Variants in TTLL5 observed in about 807,000 individuals in gnomAD.
TTLL5 encodes the protein tubulin polyglutamylase TTLL5.
A neutral mutation model predicts 168.4 loss-of-function variants in TTLL5; 132 were observed. The observed-to-expected ratio is 0.78, with a 90% CI of 0.68 to 0.91. The LOEUF (loss-of-function observed/expected upper bound fraction) is 0.91. TTLL5 is among the 40% of genes least tolerant of loss of function. The pLI is 0.00. For synonymous variants in TTLL5, 546 were observed against 558.6 expected (o/e 0.98, Z 0.32); for missense variants, 1,545 against 1,581.5 (o/e 0.98, Z 0.39).
chr14:75,679,010 A>G (rs898202635), intron 3 of TTLL5, among the ~76,000 whole-genome samples: 3 of 152,222 alleles, frequency 2.0e-5, no homozygotes, highest in African/African-American at 7.2e-5. Flanking sequence ...CTTTCCTTCT[A>G]CATTTATTAG....
chr14:75,719,835 T>C lies in TTLL5; in HGVS notation c.934+9T>C, dbSNP rs1472845431. 6.2e-7 allele frequency: 1 copy of C among 1,613,170 alleles called. No individual in the cohort carries two copies. The highest frequency in any genetic ancestry group is 2.2e-5 in the East Asian group (1 of 44,818). On this transcript the variant is annotated intron_variant, in intron 11 of 31. Transcript: ENST00000298832. ...AGGCAGAGATACAACCGGTGAGTACTGGGCCTTTTTCCTTCTTGACTTCTC... is the reference window on the plus strand; with the variant it reads ...AGGCAGAGATACAACCGGTGAGTACCGGGCCTTTTTCCTTCTTGACTTCTC...
At chr14:75,721,358 A>G (rs941591941) in intron 12 of TTLL5, among the ~76,000 whole-genome samples, 1 of 152,160 alleles carries the variant, frequency 6.6e-6, no homozygotes, top group Non-Finnish European at 1.5e-5. Flanking sequence ...CTATGTGGAA[A>G]TGAATGGGTT....
At chr14:75,925,656 C>T (rs778960253) in intron 31 of TTLL5, among the ~76,000 whole-genome samples, 2 of 152,004 alleles carry the variant, frequency 1.3e-5, no homozygotes, top group African/African-American at 2.4e-5. Context: ...GCTGGGGGCC[C>T]GGCAGAGGCT....
At chr14:75,788,315 G>T (rs1377565639) in intron 26 of TTLL5, among the ~76,000 whole-genome samples, 1 of 151,832 alleles carries the variant, frequency 6.6e-6, no homozygotes, top group Non-Finnish European at 1.5e-5. Flanking sequence ...CACAGTAGAG[G>T]GTGGCAAAGC....
intron 7 of TTLL5, among the ~76,000 whole-genome samples, chr14:75,700,052 C>G (rs976572013): frequency 2.6e-5 from 4 of 152,188 alleles, no homozygotes; most frequent in Non-Finnish European, 5.9e-5. Context: ...ATAATAGAAT[C>G]TCTTCAGTAA....
intron 29 of TTLL5, among the ~76,000 whole-genome samples, chr14:75,878,221 G>C (rs2031602257): frequency 6.6e-6 from 1 of 152,154 alleles, no homozygotes; most frequent in Non-Finnish European, 1.5e-5. Flanking sequence ...ATTCCGTTTG[G>C]CTGCTTATAA....
At position 75,690,305 on chromosome 14, in the gene TTLL5, A is replaced by G; in HGVS notation, c.485A>G (p.Glu162Gly). 1 of 1,607,552 alleles carries G rather than the reference A, an allele frequency of 6.2e-7. No individual in the cohort carries two copies. The highest frequency in any genetic ancestry group is 2.2e-5 in the East Asian group (1 of 44,690). ...CCCCAGACCTTCCTCCTGCCAGCTG[A>G]GTACGCGGAATTTTGTAGTAAGTGC... is the stretch of plus-strand genomic sequence containing the variant. Reference protein sequence around the residue: ...ILPQTFLLPAEYAEFCNSYSK... With the variant: ...ILPQTFLLPAGYAEFCNSYSK... Residue 162 changes from glutamate to glycine, a missense_variant, in exon 6 of 32, where the codon GAG (glutamate) becomes GGG (glycine). Transcript: ENST00000298832.
At chr14:75,811,156 AGTGTGTGTGTGTGTGTGTGTGTGT>A (rs148883248) in intron 27 of TTLL5, among the ~76,000 whole-genome samples, 18 of 116,626 alleles carry the variant, frequency 1.5e-4, no homozygotes, top group African/African-American at 5.7e-4. Context: ...TGAAAGAAAG[AGTGTGTGTGTGTGTGTGTGTGTGT>A]GTGTGTGTAT....
At chr14:75,670,190 CA>C (rs1256358432) in intron 3 of TTLL5, among the ~76,000 whole-genome samples, 2 of 151,854 alleles carry the variant, frequency 1.3e-5, no homozygotes, top group African/African-American at 4.8e-5. Flanking sequence ...AGTTGATGTA[CA>C]TTTTTTTTGT....
chr14:75,867,889 T>G (rs2030660513), intron 29 of TTLL5, among the ~76,000 whole-genome samples: 1 of 152,210 alleles, frequency 6.6e-6, no homozygotes, highest in Non-Finnish European at 1.5e-5. Context: ...AATTCTGTCT[T>G]TCTTCTCCTG....
chr14:75,886,623 T>G, intron 30 of TTLL5: 3 of 1,520,224 alleles, frequency 2.0e-6, no homozygotes, highest in Middle Eastern at 1.7e-4. Context: ...TTTAAAATTT[T>G]TTTTTTTACC....
At chr14:75,818,966 T>C (rs1489014541) in intron 27 of TTLL5, among the ~76,000 whole-genome samples, 1 of 152,186 alleles carries the variant, frequency 6.6e-6, no homozygotes, top group Non-Finnish European at 1.5e-5. Flanking sequence ...CTTTGGCAGT[T>C]GAAAAACTAT....
At chr14:75,753,073 A>T in intron 18 of TTLL5, 118 bp downstream of exon 18, 1 of 960,402 alleles carries the variant, frequency 1.0e-6, no homozygotes, top group Middle Eastern at 2.2e-4. Context: ...CTAGAAAAAA[A>T]AGTCCTGTAG....
At chr14:75,924,794 CTGGGTACACCTCCCAGACCGGGTGG>C (rs998619275) in intron 31 of TTLL5, among the ~76,000 whole-genome samples, 1 of 152,058 alleles carries the variant, frequency 6.6e-6, no homozygotes, top group African/African-American at 2.4e-5. Context: ...CAATGAGCTG[CTGGGTACACCTCCCAGACCGGGTGG>C]TGGCCGGGCA....
intron 29 of TTLL5, among the ~76,000 whole-genome samples, chr14:75,866,393 A>C (rs1369774950): frequency 6.6e-6 from 1 of 152,194 alleles, no homozygotes; most frequent in Non-Finnish European, 1.5e-5. Flanking sequence ...GTAGGGAGCC[A>C]TTGGTATAAC....
At chr14:75,937,977 G>A (rs1401094974) in intron 31 of TTLL5, among the ~76,000 whole-genome samples, 2 of 152,182 alleles carry the variant, frequency 1.3e-5, no homozygotes, top group South Asian at 4.1e-4. Context: ...CCCACCAGCC[G>A]CACACAAGGG....
intron 12 of TTLL5, among the ~76,000 whole-genome samples, chr14:75,728,002 C>T (rs1282402107): frequency 1.3e-5 from 2 of 152,112 alleles, no homozygotes. Flanking sequence ...TTAGATCTAA[C>T]TATTTCATCA....
At chr14:75,948,230 AC>A (rs1205757593) in intron 31 of TTLL5, among the ~76,000 whole-genome samples, 2 of 152,158 alleles carry the variant, frequency 1.3e-5, no homozygotes, top group Non-Finnish European at 2.9e-5. Flanking sequence ...CACACCTGTA[AC>A]CCCTGCGCTT....
intron 31 of TTLL5, among the ~76,000 whole-genome samples, chr14:75,925,839 A>G (rs577673957): frequency 1.3e-5 from 2 of 152,034 alleles, no homozygotes; most frequent in Admixed American, 6.5e-5. Context: ...ACTCGCGGTT[A>G]GGAGCTGGAG....
Sources: gnomAD v4.1 joint callset for allele counts (sites outside exome capture counted in the v4.1 genomes callset) on GRCh38, gnomAD v4.1.1 for gene constraint, MANE v1.5 for transcripts, NCBI Gene and HGNC (gene_info 2026-07-23, HGNC 2026-07-21) for gene names.